TMEM184C: variants seen among roughly 807,000 people sequenced by gnomAD.
TMEM184C encodes the protein transmembrane protein 34.
Under a neutral mutation model 54.5 loss-of-function variants are expected in TMEM184C, and 25 were observed. The observed-to-expected ratio is 0.46, with a 90% CI of 0.33 to 0.64. The LOEUF is 0.64. TMEM184C is among the 30% of genes least tolerant of loss of function. The pLI is 0.02. For missense variants in TMEM184C, 335 were observed against 520.3 expected, an observed-to-expected ratio of 0.64 and a Z score of 3.46; for synonymous variants, 148 against 181.5, an observed-to-expected ratio of 0.82 and a Z score of 1.49.
In TMEM184C at chr4:147,635,904, A is replaced by ATACT. The variant is rs748726787; in HGVS notation, c.*1477_*1480dup. The ATACT allele has an allele frequency of 1.3e-5, 2 of 152,220 alleles. No homozygotes were observed. Among genetic ancestry groups the ATACT allele is most frequent in the Non-Finnish European group, 2.9e-5 (2 of 68,026 alleles). 9.4% of individuals were successfully genotyped at this position (152,220 alleles called of 1,614,324 possible). ...TGCCATTTATGATAGCATAAAAAAA[A>ATACT]TACTTACTTAGGAATAAATTTAACA... is the stretch of plus-strand genomic sequence containing the variant. On this transcript the variant is annotated 3_prime_UTR_variant, in exon 10 of 10. Transcript: ENST00000296582.
intron 4 of TMEM184C, 38 bp from the exon 5 acceptor site, chr4:147,628,323 A>T: frequency 6.6e-7 from 1 of 1,523,638 alleles, no homozygotes; most frequent in Non-Finnish European, 9.0e-7. Context: ...TGCTATTTAA[A>T]TGAGTAGTTG....
intron 7 of TMEM184C, 113 bp downstream of exon 7, chr4:147,631,618 C>T (rs899086289): frequency 1.4e-5 from 10 of 737,818 alleles, no homozygotes; most frequent in Non-Finnish European, 2.0e-5. Context: ...AATGTCTCTA[C>T]TTCTCTTTTT....
chr4:147,628,623 A>T (rs1732857481), intron 5 of TMEM184C, among the ~76,000 whole-genome samples, 188 bp downstream of exon 5: 2 of 152,168 alleles, frequency 1.3e-5, no homozygotes, highest in Non-Finnish European at 2.9e-5. Flanking sequence ...GCAAAGAGTC[A>T]CCACAGGGGT....
At chr4:147,634,070 T>C (rs1237277491) in intron 9 of TMEM184C, 99 bp from the exon 10 acceptor site, 14 of 1,522,348 alleles carry the variant, frequency 9.2e-6, no homozygotes, top group Non-Finnish European at 1.2e-5. Context: ...TCATCAACTT[T>C]GGGGAGTGGG....
rs1238012109 is a variant in TMEM184C, at chr4:147,635,125, T to C, written c.*691T>C. On this transcript the variant is annotated 3_prime_UTR_variant, in exon 10 of 10. Coordinates refer to ENST00000296582, the MANE Select transcript of TMEM184C (RefSeq NM_018241.3). ...AGCATAATGCAGAAATACGAATTAG[T>C]GGAACTTAATCATGTGCCATATAAG... The C allele has an allele frequency of 1.3e-5, 2 of 152,196 alleles. No individual in the cohort carries two copies. Among genetic ancestry groups the C allele is most frequent in the African/African-American group, 4.8e-5 (2 of 41,448 alleles). The allele number at this position is 152,196 out of a possible 1,614,324, so 9.4% of individuals were successfully genotyped here.
chr4:147,633,826 A>G lies in TMEM184C; in HGVS notation c.941A>G (p.Tyr314Cys), dbSNP rs1304104401. ...ATTGCTCATCATTACACATTCTCAT[A>G]TAAACCATATGTCCAAGAAGCAGAA... ...AAIAHHYTFS[Y>C]KPYVQEAEEG... Residue 314 changes from tyrosine to cysteine, a missense_variant, in exon 9 of 10, where the codon TAT becomes TGT. By Grantham distance (194) the Tyr-to-Cys change is radical. Coordinates refer to ENST00000296582, the MANE Select transcript of TMEM184C (RefSeq NM_018241.3). 2 of 1,613,710 alleles carry G rather than the reference A, an allele frequency of 1.2e-6. No individual in the cohort carries two copies. The highest frequency in any genetic ancestry group is 1.7e-6 in the Non-Finnish European group (2 of 1,179,960).
In TMEM184C at chr4:147,635,232, CTTT is replaced by C. The variant is rs1481988794; in HGVS notation, c.*802_*804del. The C allele has an allele frequency of 6.6e-6, 1 of 152,016 alleles. No homozygotes were observed. Among genetic ancestry groups the C allele is most frequent in the Non-Finnish European group, 1.5e-5 (1 of 67,998 alleles). The allele number at this position is 152,016 out of a possible 1,614,324, so 9.4% of individuals were successfully genotyped here. On this transcript the variant is annotated 3_prime_UTR_variant, in exon 10 of 10. Coordinates refer to ENST00000296582, the MANE Select transcript of TMEM184C (RefSeq NM_018241.3). The stretch of plus-strand genomic sequence containing the variant: ...AGAATTTATCATTTATTTTCTGCAA[CTTT>C]TTTATGTCTCATTCTTTAAACATTA...
In TMEM184C at chr4:147,635,023, A is replaced by G. The variant is rs1732989572; in HGVS notation, c.*589A>G. On this transcript the variant is annotated 3_prime_UTR_variant, in exon 10 of 10. Coordinates refer to ENST00000296582, the MANE Select transcript of TMEM184C (RefSeq NM_018241.3). ...AGGCGTGAGCCACTGCGCCTGGCCA[A>G]GAATGGACATTTTTTAAAAAAACAT... 1 of 152,326 alleles carries G rather than the reference A, an allele frequency of 6.6e-6. No homozygotes were observed. Among genetic ancestry groups the G allele is most frequent in the Non-Finnish European group, 1.5e-5 (1 of 68,164 alleles). The allele number at this position is 152,326 out of a possible 1,614,324, so 9.4% of individuals were successfully genotyped here. A position where few individuals can be genotyped will look rare whatever the true frequency, so the allele number is the denominator to read the frequency against.
chr4:147,630,118 C>A (rs1032170596), intron 6 of TMEM184C, among the ~76,000 whole-genome samples: 1 of 151,694 alleles, frequency 6.6e-6, no homozygotes, highest in African/African-American at 2.4e-5. Context: ...GAATAAAATT[C>A]TCTGTTATCA....
At chr4:147,631,667 G>A (rs1457270179) in intron 7 of TMEM184C, among the ~76,000 whole-genome samples, 162 bp downstream of exon 7, 1 of 152,226 alleles carries the variant, frequency 6.6e-6, no homozygotes, top group East Asian at 1.9e-4. Flanking sequence ...ATTTTCAAAA[G>A]AAATAATTAG....
chr4:147,617,424 G>A lies in TMEM184C; in HGVS notation c.-533G>A, dbSNP rs932738499. ...TTTGGCCTTGGGTTCCGCTGTAGGG[G>A]AGGTCCCGTGCGAAAGAATGAGGAG... On this transcript the variant is annotated 5_prime_UTR_variant, in exon 1 of 10. Coordinates refer to ENST00000296582, the MANE Select transcript of TMEM184C (RefSeq NM_018241.3). 6.4e-6 allele frequency: 1 copy of A among 156,398 alleles called. No homozygotes were observed. The highest frequency in any genetic ancestry group is 6.1e-5 in the Admixed American group (1 of 16,474). 9.7% of individuals were successfully genotyped at this position (156,398 alleles called of 1,614,324 possible).
intron 7 of TMEM184C, among the ~76,000 whole-genome samples, chr4:147,631,923 T>A (rs933237391): frequency 5.3e-5 from 8 of 152,208 alleles, no homozygotes; most frequent in Non-Finnish European, 1.0e-4. Flanking sequence ...CTCACGCCTG[T>A]AATCCCAGCA....
In TMEM184C at chr4:147,633,804, G is replaced by A; in HGVS notation, c.919G>A (p.Ala307Thr). 1 of 1,610,192 alleles carries A rather than the reference G, an allele frequency of 6.2e-7. No homozygotes were observed. Among genetic ancestry groups the A allele is most frequent in the Non-Finnish European group, 8.5e-7 (1 of 1,178,230 alleles). ...TATTGAGATGTTCCTCGCTGCCATT[G>A]CTCATCATTACACATTCTCATATAA... ...ICIEMFLAAIAHHYTFSYKPY... is the reference protein window; with the variant it reads ...ICIEMFLAAITHHYTFSYKPY... Residue 307 changes from alanine to threonine, a missense_variant, in exon 9 of 10, where the codon GCT becomes ACT. Physicochemically the swap from Ala to Thr is moderately conservative, Grantham distance 58. Transcript: ENST00000296582.
Position 147,617,923 on chromosome 4 carries a change from T to C in TMEM184C, c.-34T>C, listed in dbSNP as rs571619557. On this transcript the variant is annotated 5_prime_UTR_variant, in exon 1 of 10. Transcript: ENST00000296582. ...CCATTACAATCTTTTCGAGATCTTTTCCCTTGCTAACCGGATCTGATTTGT... is the reference window on the plus strand; with the variant it reads ...CCATTACAATCTTTTCGAGATCTTTCCCCTTGCTAACCGGATCTGATTTGT... 1.2e-6 allele frequency: 2 copies of C among 1,612,852 alleles called. No homozygotes were observed. Among genetic ancestry groups the C allele is most frequent in the South Asian group, 1.1e-5 (1 of 91,012 alleles).
intron 4 of TMEM184C, among the ~76,000 whole-genome samples, chr4:147,625,694 T>A (rs1732802169): frequency 6.6e-6 from 1 of 151,926 alleles, no homozygotes; most frequent in Admixed American, 6.6e-5. Flanking sequence ...GGGGATGAGA[T>A]TGGAATAGAA....
chr4:147,630,147 A>C lies in TMEM184C; in HGVS notation c.666+455A>C, dbSNP rs138960985. 1.6e-3 allele frequency among the ~76,000 whole-genome samples: 249 copies of C among 152,152 alleles called. 1 individual carries two copies. The highest frequency in any genetic ancestry group is 5.8e-3 in the African/African-American group (240 of 41,570). ...GTTATCATATATTTGAAGTTAAAGG[A>C]AAATTGAGAATGCCAAGTTTAAAAA... On this transcript the variant is annotated intron_variant, in intron 6 of 9. Coordinates refer to ENST00000296582, the MANE Select transcript of TMEM184C (RefSeq NM_018241.3).
intron 8 of TMEM184C, 68 bp downstream of exon 8, chr4:147,633,070 T>A: frequency 7.5e-7 from 1 of 1,326,176 alleles, no homozygotes; most frequent in Non-Finnish European, 1.1e-6. Flanking sequence ...ATATCTCCAC[T>A]AAACCTGACA....
At chr4:147,630,167 T>C (rs1453696546) in intron 6 of TMEM184C, among the ~76,000 whole-genome samples, 1 of 151,976 alleles carries the variant, frequency 6.6e-6, no homozygotes, top group East Asian at 1.9e-4. Context: ...ATGCCAAGTT[T>C]AAAAAAATGG....
At chr4:147,631,273 A>G (rs113102229) in intron 6 of TMEM184C, 120 bp from the exon 7 acceptor site, 3 of 632,116 alleles carry the variant, frequency 4.7e-6, no homozygotes, top group South Asian at 5.0e-5. Context: ...AAATAGAATA[A>G]TAAAGCCTAG....
Sources: gnomAD v4.1 joint callset for allele counts (sites outside exome capture counted in the v4.1 genomes callset) on GRCh38, gnomAD v4.1.1 for gene constraint, MANE v1.5 for transcripts, NCBI Gene and HGNC (gene_info 2026-07-23, HGNC 2026-07-21) for gene names.